The following WNK3 variants were observed in gnomAD, a reference collection of about 807,000 sequenced individuals.
The protein encoded by WNK3 is WNK lysine deficient protein kinase 3.
WNK3 carries 18 observed loss-of-function variants against 116.7 expected under a neutral mutation model. The ratio of observed to expected loss-of-function variants is 0.15; its 90% CI spans 0.11 to 0.23. The LOEUF is 0.23. Among genes scored for constraint, WNK3 ranks in the 10% least tolerant of loss-of-function variants. WNK3 has a pLI of 1.00. For synonymous variants in WNK3, 404 were observed against 469.4 expected (o/e 0.86, Z 1.80); for missense variants, 993 against 1,323.8 (o/e 0.75, Z 3.88).
intron 10 of WNK3, among the ~76,000 whole-genome samples, chrX:54,279,454 C>G (rs1243926096): frequency 2.7e-5 from 3 of 111,033 alleles, no homozygotes; most frequent in Non-Finnish European, 5.7e-5. Context: ...GTCTCAACTA[C>G]CTGGGAGGCT....
At chrX:54,238,395 C>G (rs782221000) in exon 19 of WNK3, 22 of 1,209,578 alleles carry the variant, frequency 1.8e-5, no homozygotes, top group Middle Eastern at 4.6e-4. Context: ...CTATTCAAAG[C>G]CCTAGTATCA....
intron 10 of WNK3, among the ~76,000 whole-genome samples, chrX:54,284,898 A>T (rs782034212): frequency 1.8e-5 from 2 of 109,311 alleles, no homozygotes; most frequent in Non-Finnish European, 3.8e-5. Flanking sequence ...TGAACCCAGG[A>T]GGTGGAGGTT....
intron 1 of WNK3, among the ~76,000 whole-genome samples, chrX:54,335,317 T>C (rs1227452350): frequency 8.9e-6 from 1 of 111,802 alleles, no homozygotes; most frequent in Non-Finnish European, 1.9e-5. Context: ...CCCTATATAT[T>C]ATATGGTTAA....
chrX:54,352,731 C>T (rs2147349165), intron 1 of WNK3, among the ~76,000 whole-genome samples: 1 of 111,359 alleles, frequency 9.0e-6, no homozygotes, highest in Admixed American at 9.6e-5. Context: ...CCTAGGTATA[C>T]CCAAAATAAA....
At chrX:54,268,173 T>C (rs1371306748) in intron 10 of WNK3, among the ~76,000 whole-genome samples, 7 of 106,788 alleles carry the variant, frequency 6.6e-5, no homozygotes, top group Non-Finnish European at 9.6e-5. Context: ...AACTCCCCAG[T>C]AGCAGCAAAC....
chrX:54,212,096 G>A (rs1557143925), intron 22 of WNK3, among the ~76,000 whole-genome samples: 1 of 110,592 alleles, frequency 9.0e-6, no homozygotes, highest in African/African-American at 3.3e-5. Context: ...CATGGTGGTG[G>A]GTGCCTGTAG....
intron 1 of WNK3, among the ~76,000 whole-genome samples, chrX:54,356,645 C>T (rs1367339523): frequency 9.0e-6 from 1 of 111,703 alleles, no homozygotes; most frequent in Non-Finnish European, 1.9e-5. Flanking sequence ...GGTATTACAA[C>T]TTACTATAGA....
chrX:54,259,991 G>GA (rs1557156371), intron 10 of WNK3, among the ~76,000 whole-genome samples: 2 of 111,722 alleles, frequency 1.8e-5, no homozygotes, highest in Non-Finnish European at 3.8e-5. Context: ...AACCCTATAT[G>GA]ATGGTGCCTC....
intron 17 of WNK3, among the ~76,000 whole-genome samples, chrX:54,241,073 C>T (rs1027719119): frequency 9.0e-6 from 1 of 111,484 alleles, no homozygotes; most frequent in African/African-American, 3.3e-5. Context: ...CAAAGGGCAG[C>T]AGAGGCATGC....
intron 20 of WNK3, among the ~76,000 whole-genome samples, chrX:54,235,050 T>A (rs1176039185): frequency 1.8e-5 from 2 of 111,840 alleles, no homozygotes; most frequent in Admixed American, 9.6e-5. Context: ...ATATTTAAAG[T>A]ATATATTCAC....
chrX:54,240,778 T>C (rs1557151374), intron 17 of WNK3, among the ~76,000 whole-genome samples: 1 of 111,651 alleles, frequency 9.0e-6, no homozygotes, highest in Non-Finnish European at 1.9e-5. Flanking sequence ...CTTCTGTCTC[T>C]TTCAATGTTA....
rs191114455 is a variant in WNK3, at chrX:54,218,086, C to A, written c.4870+10628G>T. Reference sequence around the variant, plus strand: ...TATCAGCTATTATAAATACAGTTGACCCTTGAACAAAACAGGTTTGAACTG... The same window carrying A: ...TATCAGCTATTATAAATACAGTTGAACCTTGAACAAAACAGGTTTGAACTG... On this transcript the variant is annotated intron_variant, in intron 22 of 23. Coordinates refer to ENST00000354646, the Ensembl canonical transcript of WNK3. 2.7e-5 allele frequency among the ~76,000 whole-genome samples: 3 copies of A among 111,547 alleles called. No homozygotes were observed. In the Admixed American group the frequency reaches 2.9e-4, roughly 11 times the overall value.
At chrX:54,302,009 G>C in intron 5 of WNK3, 150 bp from the exon 6 acceptor site, 1 of 443,457 alleles carries the variant, frequency 2.3e-6, no homozygotes, top group Non-Finnish European at 3.8e-6. Context: ...GAGAACATAA[G>C]TTTAATAACC....
chrX:54,277,006 C>T (rs1256895649), intron 10 of WNK3, among the ~76,000 whole-genome samples: 3 of 111,982 alleles, frequency 2.7e-5, no homozygotes, highest in Non-Finnish European at 5.6e-5. Context: ...TGTTAGCCAC[C>T]GCGCCTGGCC....
intron 1 of WNK3, among the ~76,000 whole-genome samples, chrX:54,336,891 G>A (rs914368487): frequency 1.8e-5 from 2 of 111,309 alleles, no homozygotes; most frequent in African/African-American, 3.3e-5. Flanking sequence ...ACATTACTAG[G>A]ACATATCTAT....
At position 54,254,550 on chromosome X, in the gene WNK3, T is replaced by C. The variant is rs1356788749; in HGVS notation, c.2251-475A>G. On this transcript the variant is annotated intron_variant, in intron 12 of 23. Transcript: ENST00000354646. ...TATTCTGATCCATGAATCCGTCTCC[T>C]ATGGATCTAATAAGGAAATAATCAG... Among the ~76,000 whole-genome samples the C allele has an allele frequency of 5.4e-5, 6 of 111,861 alleles. No homozygotes were observed. The East Asian group carries it at 1.1e-3, about 21-fold the overall frequency.
rs2068093819 is a variant in WNK3, at chrX:54,248,347, T to A, written c.3651+350A>T. Among the ~76,000 whole-genome samples, 4 of 111,651 alleles carry A rather than the reference T, an allele frequency of 3.6e-5. No homozygotes were observed. In the South Asian group the frequency reaches 1.5e-3, roughly 42 times the overall value. ...AATTAAAAACCATAACTTTTTTTTT[T>A]AAAGAAGGAAACGGATAACTGGCAT... On this transcript the variant is annotated intron_variant, in intron 17 of 23. Coordinates refer to ENST00000354646, the Ensembl canonical transcript of WNK3.
intron 10 of WNK3, among the ~76,000 whole-genome samples, chrX:54,268,080 G>GCACGCA (rs1557158229): frequency 1.2e-5 from 1 of 80,792 alleles, no homozygotes; most frequent in Non-Finnish European, 2.4e-5. Flanking sequence ...CTGAATGCGT[G>GCACGCA]CACACACACA....
At chrX:54,284,998 C>A (rs1001764383) in intron 10 of WNK3, among the ~76,000 whole-genome samples, 1 of 110,398 alleles carries the variant, frequency 9.1e-6, no homozygotes, top group Non-Finnish European at 1.9e-5. Context: ...GCTACTGATA[C>A]ATACACAACA....
Sources: allele counts gnomAD v4.1 joint callset (sites outside exome capture counted in the v4.1 genomes callset), GRCh38; gene constraint gnomAD v4.1.1; transcripts MANE v1.5; gene names NCBI Gene and HGNC (gene_info 2026-07-23, HGNC 2026-07-21).